Variants in DGKB observed in about 807,000 individuals in gnomAD.
DGKB encodes the protein diacylglycerol kinase beta.
In DGKB, 67 loss-of-function variants were observed where a neutral mutation model predicts 114.3. That is an observed-to-expected ratio of 0.59 (90% CI 0.48 to 0.72). The LOEUF is 0.72. DGKB is among the 30% of genes least tolerant of loss of function. The pLI is 0.00. For missense variants in DGKB, 907 were observed against 975.2 expected (o/e 0.93, Z 0.93); for synonymous variants, 398 against 323.1 (o/e 1.23, Z -2.49).
chr7:14,283,367 T>C (rs1800294380), intron 23 of DGKB, among the ~76,000 whole-genome samples: 1 of 151,348 alleles, frequency 6.6e-6, no homozygotes, highest in Admixed American at 6.8e-5. Flanking sequence ...TAAAAGAGGA[T>C]ACACACAAAT....
rs73285859 is a variant in DGKB at position 14,521,809 on chromosome 7, C to T, written c.1771-43584G>A. ...TGTTCCTCAGTATGAGTCACACGTTCTTATTTCTTTGCATATCTCATAATT... is the reference window on the plus strand; with the variant it reads ...TGTTCCTCAGTATGAGTCACACGTTTTTATTTCTTTGCATATCTCATAATT... On this transcript the variant is annotated intron_variant, in intron 20 of 25. Coordinates refer to ENST00000402815, the MANE Select transcript of DGKB (RefSeq NM_001350709.2). Among the ~76,000 whole-genome samples the T allele has an allele frequency of 6.1e-3, 921 of 152,178 alleles. 12 individuals carry two copies. The highest frequency in any genetic ancestry group is 0.021 in the African/African-American group (884 of 41,526).
chr7:14,667,683 A>G (rs1203353054), intron 13 of DGKB, among the ~76,000 whole-genome samples: 4 of 152,144 alleles, frequency 2.6e-5, no homozygotes, highest in Non-Finnish European at 4.4e-5. Context: ...AGTTACTGAA[A>G]GTTCGCAGAC....
Position 14,307,744 on chromosome 7 carries a change from C to T in DGKB, c.2122+30771G>A, listed in dbSNP as rs192688966. On this transcript the variant is annotated intron_variant, in intron 23 of 25. Coordinates refer to ENST00000402815, the MANE Select transcript of DGKB (RefSeq NM_001350709.2). ...TTGCTAAGTATATAGTGTGATTTTC[C>T]CTGAACACAGAATTATATCACATAG... Among the ~76,000 whole-genome samples, 521 of 152,126 alleles carry T rather than the reference C, an allele frequency of 3.4e-3. 3 individuals carry two copies. The highest frequency in any genetic ancestry group is 2.6e-3 in the Non-Finnish European group (177 of 67,952).
chr7:14,204,535 A>G (rs1388439326), intron 23 of DGKB, among the ~76,000 whole-genome samples: 2 of 152,044 alleles, frequency 1.3e-5, no homozygotes, highest in Non-Finnish European at 2.9e-5. Flanking sequence ...ATTGGGAAAC[A>G]TACAACGGCT....
intron 2 of DGKB, among the ~76,000 whole-genome samples, chr7:14,769,129 GAGAGAGAA>G (rs1434529303): frequency 3.0e-5 from 4 of 134,662 alleles, no homozygotes; most frequent in East Asian, 2.2e-4. Flanking sequence ...AAGAAAGAGA[GAGAGAGAA>G]AGAAAGAAAG....
intron 1 of DGKB, among the ~76,000 whole-genome samples, chr7:14,923,035 G>T (rs1048410873): frequency 2.6e-5 from 4 of 152,194 alleles, no homozygotes; most frequent in African/African-American, 9.6e-5. Flanking sequence ...CACAGCTTCT[G>T]GTAACCATTC....
chr7:14,432,412 G>A (rs192892519), intron 21 of DGKB, among the ~76,000 whole-genome samples: 1 of 152,226 alleles, frequency 6.6e-6, no homozygotes, highest in East Asian at 1.9e-4. Flanking sequence ...CATGTCTGTA[G>A]CACTTTTCCA....
chr7:14,560,112 C>A (rs1796441136), intron 20 of DGKB, among the ~76,000 whole-genome samples: 1 of 151,892 alleles, frequency 6.6e-6, no homozygotes, highest in Non-Finnish European at 1.5e-5. Context: ...TGGCGATTAA[C>A]CCTTGTGATG....
intron 20 of DGKB, among the ~76,000 whole-genome samples, chr7:14,536,171 T>C (rs192146278): frequency 1.1e-3 from 166 of 152,116 alleles, no homozygotes; most frequent in Non-Finnish European, 1.9e-3. Context: ...AACCTATCAA[T>C]AAAGAAAATC....
At chr7:14,874,913 C>T (rs1199301687) in intron 1 of DGKB, among the ~76,000 whole-genome samples, 2 of 152,036 alleles carry the variant, frequency 1.3e-5, no homozygotes, top group Non-Finnish European at 2.9e-5. Flanking sequence ...CAGTATCTTC[C>T]CTTCCCAAAC....
At chr7:14,431,742 CTA>C (rs1563170508) in intron 21 of DGKB, among the ~76,000 whole-genome samples, 1 of 151,920 alleles carries the variant, frequency 6.6e-6, no homozygotes, top group African/African-American at 2.4e-5. Context: ...TAAGTTTTAT[CTA>C]TGTTATTATA....
intron 5 of DGKB, among the ~76,000 whole-genome samples, chr7:14,729,269 C>T (rs1164109495): frequency 6.8e-6 from 1 of 147,252 alleles, no homozygotes; most frequent in South Asian, 2.1e-4. Context: ...ACTACAGGCG[C>T]CTGCCACCAC....
At chr7:14,412,294 GT>G (rs749927373) in intron 21 of DGKB, among the ~76,000 whole-genome samples, 6 of 152,166 alleles carry the variant, frequency 3.9e-5, no homozygotes, top group Admixed American at 1.3e-4. Flanking sequence ...GAAGCTAGAT[GT>G]TGTTAGAATA....
At chr7:14,349,996 G>C (rs1043875067) in intron 21 of DGKB, among the ~76,000 whole-genome samples, 3 of 152,054 alleles carry the variant, frequency 2.0e-5, no homozygotes, top group African/African-American at 7.2e-5. Flanking sequence ...CCTCACAAAA[G>C]TTATTCATGT....
chr7:14,353,717 A>G (rs1813922021), intron 21 of DGKB, among the ~76,000 whole-genome samples: 2 of 152,178 alleles, frequency 1.3e-5, no homozygotes, highest in African/African-American at 4.8e-5. Context: ...GATATTAGAA[A>G]ACCTAAATGA....
intron 23 of DGKB, among the ~76,000 whole-genome samples, chr7:14,314,041 G>A (rs1256209538): frequency 6.6e-6 from 1 of 152,152 alleles, no homozygotes; most frequent in Admixed American, 6.5e-5. Flanking sequence ...TCACACTGCA[G>A]GGTACTCCAA....
At chr7:14,888,007 T>C (rs562581079) in intron 1 of DGKB, among the ~76,000 whole-genome samples, 5 of 151,872 alleles carry the variant, frequency 3.3e-5, no homozygotes, top group South Asian at 4.1e-4. Flanking sequence ...AGTTATTAAA[T>C]GCTTTTTGGC....
intron 23 of DGKB, among the ~76,000 whole-genome samples, chr7:14,296,418 G>A (rs1273441337): frequency 6.6e-6 from 1 of 152,030 alleles, no homozygotes; most frequent in Non-Finnish European, 1.5e-5. Context: ...TGGGCATTTG[G>A]GTTGGTTCCA....
chr7:14,877,388 T>A (rs1000638772), intron 1 of DGKB, among the ~76,000 whole-genome samples: 13 of 152,214 alleles, frequency 8.5e-5, no homozygotes, highest in African/African-American at 3.1e-4. Context: ...AAACCCCGTC[T>A]CTACTGAAAA....
Sources: allele counts gnomAD v4.1 joint callset (sites outside exome capture counted in the v4.1 genomes callset), GRCh38; gene constraint gnomAD v4.1.1; transcripts MANE v1.5; gene names NCBI Gene and HGNC (gene_info 2026-07-23, HGNC 2026-07-21).